CDH18: variants seen among roughly 807,000 people sequenced by gnomAD.
CDH18 encodes cadherin-18.
CDH18 carries 31 observed loss-of-function variants against 67.9 expected under a neutral mutation model. The observed-to-expected ratio is 0.46, with a 90% CI of 0.34 to 0.62. The LOEUF is 0.62. Ranked by LOEUF, CDH18 falls within the 20% of genes least tolerant of loss-of-function variation. The pLI is 0.01. For missense variants in CDH18, 890 were observed against 975.5 expected (o/e 0.91, Z 1.17); for synonymous variants, 362 against 347.2 (o/e 1.04, Z -0.48).
intron 2 of CDH18, among the ~76,000 whole-genome samples, chr5:19,916,248 T>G (rs761031952): frequency 1.3e-5 from 2 of 152,198 alleles, no homozygotes; most frequent in Non-Finnish European, 2.9e-5. Flanking sequence ...GTTACTTCTC[T>G]GACCTCCTGT....
At chr5:20,502,414 A>G (rs370107777) in intron 1 of CDH18, among the ~76,000 whole-genome samples, 2 of 152,174 alleles carry the variant, frequency 1.3e-5, no homozygotes, top group South Asian at 2.1e-4. Context: ...TTCATGTCTT[A>G]ATGAAACCCA....
intron 3 of CDH18, among the ~76,000 whole-genome samples, chr5:19,779,730 C>T (rs144809746): frequency 1.3e-5 from 2 of 152,246 alleles, no homozygotes; most frequent in Non-Finnish European, 2.9e-5. Context: ...TAGAAGGCTG[C>T]ATAGGGCTTC....
At chr5:20,355,382 A>C (rs182282725) in intron 1 of CDH18, among the ~76,000 whole-genome samples, 1 of 152,338 alleles carries the variant, frequency 6.6e-6, no homozygotes, top group African/African-American at 2.4e-5. Flanking sequence ...TGTCACACTC[A>C]TCTGGAGGTA....
intron 5 of CDH18, among the ~76,000 whole-genome samples, chr5:19,625,072 T>C (rs1486948115): frequency 6.6e-6 from 1 of 151,996 alleles, no homozygotes; most frequent in Non-Finnish European, 1.5e-5. Flanking sequence ...AAATCATACA[T>C]AATAATACCA....
At chr5:19,768,625 C>A (rs1773373454) in intron 3 of CDH18, among the ~76,000 whole-genome samples, 1 of 152,026 alleles carries the variant, frequency 6.6e-6, no homozygotes. Context: ...AAATCTCTGT[C>A]AAATCATTAA....
chr5:19,519,824 A>G (rs1345056849), intron 10 of CDH18, among the ~76,000 whole-genome samples: 3 of 152,140 alleles, frequency 2.0e-5, no homozygotes, highest in African/African-American at 7.2e-5. Context: ...GGTCTGTATC[A>G]GAAAGAAACT....
chr5:19,788,691 T>C (rs1410274953), intron 3 of CDH18, among the ~76,000 whole-genome samples: 1 of 152,210 alleles, frequency 6.6e-6, no homozygotes, highest in Non-Finnish European at 1.5e-5. Context: ...CACATAATTT[T>C]ATATAATGAA....
chr5:20,395,808 C>T (rs947584108), intron 1 of CDH18, among the ~76,000 whole-genome samples: 1 of 152,040 alleles, frequency 6.6e-6, no homozygotes, highest in Non-Finnish European at 1.5e-5. Flanking sequence ...AGGCCCACCC[C>T]TTCCACTTCC....
chr5:20,130,373 G>A (rs923793117), intron 2 of CDH18, among the ~76,000 whole-genome samples: 5 of 146,194 alleles, frequency 3.4e-5, no homozygotes, highest in Admixed American at 2.9e-4. Context: ...CAATCCAAAG[G>A]CAGAGAGGTA....
chr5:19,603,493 A>G (rs1332985521), intron 6 of CDH18, among the ~76,000 whole-genome samples: 3 of 152,124 alleles, frequency 2.0e-5, no homozygotes, highest in Non-Finnish European at 4.4e-5. Flanking sequence ...TGCACACATT[A>G]GAGTTGTTAA....
chr5:20,298,509 G>A (rs1486512046), intron 1 of CDH18, among the ~76,000 whole-genome samples: 1 of 152,078 alleles, frequency 6.6e-6, no homozygotes, highest in African/African-American at 2.4e-5. Context: ...AACTCATTGA[G>A]AATAATATAA....
chr5:19,763,860 C>T (rs1307201531), intron 3 of CDH18, among the ~76,000 whole-genome samples: 1 of 151,560 alleles, frequency 6.6e-6, no homozygotes, highest in African/African-American at 2.4e-5. Flanking sequence ...AAAAATATAG[C>T]ACATGAGGCT....
At chr5:19,497,238 T>G (rs1240725449) in intron 11 of CDH18, among the ~76,000 whole-genome samples, 2 of 152,144 alleles carry the variant, frequency 1.3e-5, no homozygotes, top group Admixed American at 1.3e-4. Context: ...AAGAAAATGT[T>G]AAAAATAAAG....
chr5:19,719,996 T>C (rs566793358), intron 5 of CDH18, among the ~76,000 whole-genome samples: 51 of 152,044 alleles, frequency 3.4e-4, no homozygotes, highest in African/African-American at 1.2e-3. Context: ...GATCCATTCA[T>C]GCCAGTGTAT....
At chr5:20,419,304 T>C in intron 1 of CDH18, among the ~76,000 whole-genome samples, 1 of 151,996 alleles carries the variant, frequency 6.6e-6, no homozygotes, top group Non-Finnish European at 1.5e-5. Flanking sequence ...CTTGAGTATG[T>C]ATTTATTAGC....
intron 2 of CDH18, among the ~76,000 whole-genome samples, chr5:20,152,188 TAA>T (rs1491339421): frequency 4.4e-5 from 5 of 112,738 alleles, no homozygotes; most frequent in East Asian, 2.9e-4. Context: ...TAATTATATA[TAA>T]TATATATAAT....
intron 2 of CDH18, among the ~76,000 whole-genome samples, chr5:19,943,926 C>T (rs1330236129): frequency 6.6e-6 from 1 of 151,850 alleles, no homozygotes; most frequent in East Asian, 1.9e-4. Context: ...TTTGTATTAC[C>T]AAAAATCAGT....
At chr5:19,942,798 C>G (rs762988233) in intron 2 of CDH18, among the ~76,000 whole-genome samples, 1 of 152,158 alleles carries the variant, frequency 6.6e-6, no homozygotes, top group Non-Finnish European at 1.5e-5. Flanking sequence ...ATGAGGCAAA[C>G]CTCAGGAGCA....
intron 1 of CDH18, chr5:20,304,291 T>A (rs1736217291): frequency 6.2e-7 from 1 of 1,602,972 alleles, no homozygotes; most frequent in African/African-American, 1.3e-5. Flanking sequence ...TCTTCTGATT[T>A]GCTGTAGGTT....
Sources: gnomAD v4.1 joint callset for allele counts (sites outside exome capture counted in the v4.1 genomes callset) on GRCh38, gnomAD v4.1.1 for gene constraint, MANE v1.5 for transcripts, NCBI Gene and HGNC (gene_info 2026-07-23, HGNC 2026-07-21) for gene names.